ADGRL2: variants seen among roughly 807,000 people sequenced by gnomAD.
ADGRL2 encodes the protein calcium-independent alpha-latrotoxin receptor 2.
In ADGRL2, 44 loss-of-function variants were observed where a neutral mutation model predicts 157.4. The observed-to-expected ratio is 0.28, with a 90% CI of 0.22 to 0.36. The LOEUF (loss-of-function observed/expected upper bound fraction) is 0.36, where lower values mean the gene tolerates loss of function less well. ADGRL2 is among the 10% of genes least tolerant of loss of function. The pLI is 1.00. For missense variants in ADGRL2, 1,510 were observed against 1,768.9 expected (o/e 0.85, Z 2.63); for synonymous variants, 585 against 624.7 (o/e 0.94, Z 0.95).
chr1:81,589,339 G>A (rs1276406071), intron 3 of ADGRL2, among the ~76,000 whole-genome samples: 1 of 152,080 alleles, frequency 6.6e-6, no homozygotes, highest in Non-Finnish European at 1.5e-5. Context: ...GACTATATTT[G>A]GACCAAGCTG....
At chr1:81,505,840 A>G (rs941576032) in intron 2 of ADGRL2, 1 of 353,442 alleles carries the variant, frequency 2.8e-6, no homozygotes, top group African/African-American at 2.1e-5. Flanking sequence ...TCTGATATCC[A>G]CCTCAGCTTT....
chr1:81,452,850 A>G lies in ADGRL2; in HGVS notation c.-248+7761A>G, dbSNP rs995065859. Reference sequence around the variant, plus strand: ...TTGAGAAGGAGCATGAGACCTGAACAGGGAAGAGAGTGTTGAAGTTCCCCA... The same window carrying G: ...TTGAGAAGGAGCATGAGACCTGAACGGGGAAGAGAGTGTTGAAGTTCCCCA... On this transcript the variant is annotated intron_variant, in intron 2 of 24. Transcript: ENST00000370721. Among the ~76,000 whole-genome samples the G allele has an allele frequency of 1.3e-4, 20 of 152,200 alleles. 1 individual carries two copies. Among genetic ancestry groups the G allele is most frequent in the Non-Finnish European group, 7.4e-5 (5 of 68,026 alleles).
intron 2 of ADGRL2, among the ~76,000 whole-genome samples, chr1:81,842,278 G>A (rs1360096190): frequency 7.2e-6 from 1 of 139,426 alleles, no homozygotes; most frequent in Non-Finnish European, 1.6e-5. Flanking sequence ...TTTGCAGATT[G>A]TTCTTTATTC....
intron 2 of ADGRL2, among the ~76,000 whole-genome samples, chr1:81,457,302 T>C (rs745465326): frequency 3.9e-5 from 6 of 152,182 alleles, no homozygotes; most frequent in Non-Finnish European, 8.8e-5. Flanking sequence ...TTCCTATTTT[T>C]AAAAACTTCA....
chr1:81,354,219 A>G (rs1364014620), intron 1 of ADGRL2, among the ~76,000 whole-genome samples: 1 of 152,140 alleles, frequency 6.6e-6, no homozygotes, highest in Admixed American at 6.5e-5. Context: ...AGAAAACTAC[A>G]ATTACTCATC....
intron 1 of ADGRL2, among the ~76,000 whole-genome samples, chr1:81,345,659 A>T (rs1371470374): frequency 6.6e-6 from 1 of 152,232 alleles, no homozygotes; most frequent in Non-Finnish European, 1.5e-5. Flanking sequence ...GAATTGTTTT[A>T]GTCAACTAAT....
At chr1:81,656,094 T>C (rs1460173438) in intron 3 of ADGRL2, among the ~76,000 whole-genome samples, 4 of 152,234 alleles carry the variant, frequency 2.6e-5, no homozygotes, top group African/African-American at 9.6e-5. Flanking sequence ...GATATACTAT[T>C]GTCTTCTATC....
chr1:81,764,075 C>T (rs1386745880), intron 2 of ADGRL2, among the ~76,000 whole-genome samples: 1 of 141,762 alleles, frequency 7.1e-6, no homozygotes, highest in Middle Eastern at 3.4e-3. Flanking sequence ...GCCTGTAGTC[C>T]CAGCTACTTA....
intron 2 of ADGRL2, among the ~76,000 whole-genome samples, chr1:81,883,287 A>G (rs993101449): frequency 9.2e-5 from 14 of 152,176 alleles, no homozygotes; most frequent in African/African-American, 3.4e-4. Flanking sequence ...AAGTGCTACA[A>G]AAAATACTTT....
upstream of ADGRL2, among the ~76,000 whole-genome samples, chr1:81,695,822 CAA>C (rs36057272): frequency 1.1e-4 from 14 of 123,306 alleles, no homozygotes; most frequent in Non-Finnish European, 8.6e-5. Flanking sequence ...GACTCTGTTT[CAA>C]AAAAAAAAAA....
intron 3 of ADGRL2, among the ~76,000 whole-genome samples, chr1:81,642,170 C>A (rs767088769): frequency 2.0e-5 from 3 of 150,690 alleles, no homozygotes; most frequent in Non-Finnish European, 1.5e-5. Flanking sequence ...ATGGCATGAA[C>A]CCAGGAGGCG....
chr1:81,509,338 G>A (rs1186092946), intron 2 of ADGRL2, among the ~76,000 whole-genome samples: 4 of 151,200 alleles, frequency 2.6e-5, no homozygotes, highest in African/African-American at 9.7e-5. Context: ...AAATCACTTA[G>A]AATCACTTCG....
At chr1:81,981,007 A>AT (rs1273652001) in intron 18 of ADGRL2, 1 of 419,962 alleles carries the variant, frequency 2.4e-6, no homozygotes, top group African/African-American at 2.1e-5. Context: ...TTGCCTCTGC[A>AT]TTTTGACTTT....
chr1:81,693,438 C>A (rs2083382344), intron 3 of ADGRL2, among the ~76,000 whole-genome samples: 1 of 152,172 alleles, frequency 6.6e-6, no homozygotes, highest in Admixed American at 6.5e-5. Flanking sequence ...TAGTTTTAGG[C>A]TAATGCATTC....
intron 3 of ADGRL2, among the ~76,000 whole-genome samples, chr1:81,632,912 C>G (rs552255371): frequency 6.6e-6 from 1 of 152,210 alleles, no homozygotes; most frequent in South Asian, 2.1e-4. Flanking sequence ...GGGATTTGAG[C>G]AAGGGATTTA....
chr1:81,681,665 A>G (rs111748531), intron 3 of ADGRL2, among the ~76,000 whole-genome samples: 35 of 152,336 alleles, frequency 2.3e-4, no homozygotes, highest in African/African-American at 7.7e-4. Context: ...TTTCATTAAC[A>G]TCTTGCAGGT....
At chr1:81,939,771 T>G (rs1305436158) in intron 4 of ADGRL2, among the ~76,000 whole-genome samples, 1 of 151,466 alleles carries the variant, frequency 6.6e-6, no homozygotes, top group Non-Finnish European at 1.5e-5. Flanking sequence ...AATTTTATTG[T>G]ATTTTTGTAC....
chr1:81,854,104 TTC>T (rs1165806009), intron 2 of ADGRL2, among the ~76,000 whole-genome samples: 4 of 152,210 alleles, frequency 2.6e-5, no homozygotes, highest in African/African-American at 9.6e-5. Context: ...CATTTTCTGT[TTC>T]TGTTTTCTAA....
At chr1:81,949,843 A>G (rs1651167952) in intron 6 of ADGRL2, among the ~76,000 whole-genome samples, 1 of 152,198 alleles carries the variant, frequency 6.6e-6, no homozygotes. Context: ...ATTTTTCTAA[A>G]TTAAACTGTC....
Sources: gnomAD v4.1 joint callset for allele counts (sites outside exome capture counted in the v4.1 genomes callset) on GRCh38, gnomAD v4.1.1 for gene constraint, MANE v1.5 for transcripts, NCBI Gene and HGNC (gene_info 2026-07-23, HGNC 2026-07-21) for gene names.